The following IL1RAPL2 variants were observed in gnomAD, a reference collection of about 807,000 sequenced individuals.
The protein encoded by IL1RAPL2 is X-linked interleukin-1 receptor accessory protein-like 2.
IL1RAPL2 carries 3 observed loss-of-function variants against 44.1 expected under a neutral mutation model. The ratio of observed to expected loss-of-function variants is 0.07; its 90% CI spans 0.03 to 0.18. The LOEUF is 0.18. IL1RAPL2 is among the 10% of genes least tolerant of loss of function. The probability of loss-of-function intolerance (pLI) is 1.00; values close to 1 mark genes in which losing one functional copy is unlikely to be tolerated. For missense variants in IL1RAPL2, 391 were observed against 496.4 expected, an observed-to-expected ratio of 0.79 and a Z score of 2.02; for synonymous variants, 181 against 178.8, an observed-to-expected ratio of 1.01 and a Z score of -0.10.
At chrX:104,790,578 A>ATT (rs377511501) in intron 2 of IL1RAPL2, among the ~76,000 whole-genome samples, 10 of 105,522 alleles carry the variant, frequency 9.5e-5, no homozygotes, top group African/African-American at 3.1e-4. Flanking sequence ...TTTGTGAAAC[A>ATT]TTTTTTTTTT....
intron 5 of IL1RAPL2, among the ~76,000 whole-genome samples, chrX:105,418,435 A>G (rs1357529524): frequency 2.7e-5 from 3 of 110,990 alleles, no homozygotes; most frequent in Non-Finnish European, 5.7e-5. Flanking sequence ...TGACTTTGCC[A>G]TAACCGTTGC....
chrX:105,098,205 G>A (rs1231194107), intron 2 of IL1RAPL2, among the ~76,000 whole-genome samples: 1 of 111,816 alleles, frequency 8.9e-6, no homozygotes, highest in East Asian at 2.8e-4. Context: ...CTCCTTCAAG[G>A]AGACTCAGGC....
chrX:104,765,345 C>CA (rs1295890976), intron 2 of IL1RAPL2, among the ~76,000 whole-genome samples: 1 of 111,180 alleles, frequency 9.0e-6, no homozygotes, highest in African/African-American at 3.3e-5. Flanking sequence ...CCAATTTATC[C>CA]AAAAAACGTT....
intron 4 of IL1RAPL2, among the ~76,000 whole-genome samples, chrX:105,260,458 G>A (rs772775059): frequency 8.9e-6 from 1 of 111,776 alleles, no homozygotes; most frequent in African/African-American, 3.2e-5. Context: ...TTTTGCTGGG[G>A]AATCCCTTCT....
intron 2 of IL1RAPL2, among the ~76,000 whole-genome samples, chrX:104,823,346 G>A (rs1029910638): frequency 3.6e-5 from 4 of 110,527 alleles, no homozygotes; most frequent in African/African-American, 9.9e-5. Context: ...GACAATATGC[G>A]GTGTTTGGTT....
intron 1 of IL1RAPL2, chrX:104,647,411 C>T: frequency 1.7e-6 from 1 of 584,589 alleles, no homozygotes; most frequent in Non-Finnish European, 3.0e-6. Flanking sequence ...CACCACAAAT[C>T]TGGCCCTCTC....
chrX:104,768,392 T>G (rs753125963), intron 2 of IL1RAPL2, among the ~76,000 whole-genome samples: 1 of 111,663 alleles, frequency 9.0e-6, no homozygotes, highest in African/African-American at 3.3e-5. Context: ...GCCTCTCCCC[T>G]ATAGTAATCA....
intron 5 of IL1RAPL2, among the ~76,000 whole-genome samples, chrX:105,431,007 A>C (rs1253419495): frequency 1.8e-5 from 2 of 112,256 alleles, no homozygotes; most frequent in African/African-American, 6.5e-5. Flanking sequence ...CTGCAAACTC[A>C]TGAAGTCATA....
rs754089849 is a variant in IL1RAPL2 at position 104,752,280 on chromosome X, A to AGTGT, written c.82+93303_82+93306dup. On this transcript the variant is annotated intron_variant, in intron 2 of 10. Transcript: ENST00000372582. ...GTGGTGGTGGTAATGTTGGCGTGAG[A>AGTGT]GTGTGTGTGTGTGTGTGTGTGAGAG... is the stretch of plus-strand genomic sequence containing the variant. Among the ~76,000 whole-genome samples, 177 of 106,079 alleles carry AGTGT rather than the reference A, an allele frequency of 1.7e-3. 2 individuals are homozygous for AGTGT. Among genetic ancestry groups the AGTGT allele is most frequent in the African/African-American group, 5.7e-3 (167 of 29,188 alleles). 92.1% of individuals were successfully genotyped at this position (106,079 alleles called of 115,157 possible). A position where few individuals can be genotyped will look rare whatever the true frequency, so the allele number is the denominator to read the frequency against.
At chrX:105,688,200 T>C (rs1254997591) in intron 6 of IL1RAPL2, among the ~76,000 whole-genome samples, 1 of 111,553 alleles carries the variant, frequency 9.0e-6, no homozygotes, top group Non-Finnish European at 1.9e-5. Flanking sequence ...CTATTCAACA[T>C]AGTGTTGGAA....
chrX:105,717,445 GA>G lies in IL1RAPL2; in HGVS notation c.852del (p.Glu285LysfsTer16), dbSNP rs2038266363. ...ESGPMIYWMK[G>X]EKFIEELAGH... ...GGGCCAATGATCTACTGGATGAAAG[GA>G]GAAAAGTTTATTGAAGAACTGGCAG... is the stretch of plus-strand genomic sequence containing the variant. On this transcript the variant is annotated frameshift_variant, in exon 7 of 11. Coordinates refer to ENST00000372582, the MANE Select transcript of IL1RAPL2 (RefSeq NM_017416.2). LOFTEE classifies it high-confidence loss of function. 8.3e-7 allele frequency: 1 copy of G among 1,203,969 alleles called. No individual in the cohort carries two copies. The highest frequency in any genetic ancestry group is 1.8e-5 in the African/African-American group (1 of 56,995).
At chrX:105,395,787 T>C (rs1296165807) in intron 5 of IL1RAPL2, among the ~76,000 whole-genome samples, 1 of 112,200 alleles carries the variant, frequency 8.9e-6, no homozygotes, top group Non-Finnish European at 1.9e-5. Context: ...CTCTTTTTTC[T>C]TCTCTTCTCT....
intron 2 of IL1RAPL2, among the ~76,000 whole-genome samples, chrX:104,845,344 T>G (rs1051446400): frequency 3.0e-4 from 34 of 112,563 alleles, no homozygotes; most frequent in Non-Finnish European, 3.4e-4. Context: ...TCAGGAATAC[T>G]TATGTCATCA....
intron 7 of IL1RAPL2, among the ~76,000 whole-genome samples, chrX:105,727,798 A>ATAAC (rs753277233): frequency 3.6e-5 from 4 of 111,992 alleles, no homozygotes; most frequent in South Asian, 3.7e-4. Context: ...CCAGGCATAT[A>ATAAC]TAACTTTTAA....
chrX:104,808,288 A>AT (rs1453874179), intron 2 of IL1RAPL2, among the ~76,000 whole-genome samples: 1 of 111,432 alleles, frequency 9.0e-6, no homozygotes, highest in Non-Finnish European at 1.9e-5. Flanking sequence ...TTATATCACC[A>AT]TTTTTTCATA....
chrX:105,222,896 T>C (rs537067703), intron 3 of IL1RAPL2, among the ~76,000 whole-genome samples: 37 of 111,777 alleles, frequency 3.3e-4, no homozygotes, highest in Middle Eastern at 4.6e-3. Flanking sequence ...ACACCTGTAA[T>C]CCTAGCACTT....
chrX:104,933,853 T>C (rs1360035930), intron 2 of IL1RAPL2, among the ~76,000 whole-genome samples: 2 of 111,606 alleles, frequency 1.8e-5, no homozygotes, highest in African/African-American at 3.3e-5. Flanking sequence ...CCTAGGACAA[T>C]TGTTGTCTCC....
At chrX:105,592,689 G>A (rs1175839637) in intron 6 of IL1RAPL2, among the ~76,000 whole-genome samples, 1 of 111,658 alleles carries the variant, frequency 9.0e-6, no homozygotes, top group Non-Finnish European at 1.9e-5. Flanking sequence ...CACTTATGAA[G>A]TTTAGTTTGG....
intron 7 of IL1RAPL2, among the ~76,000 whole-genome samples, chrX:105,729,809 C>T (rs1292605233): frequency 1.9e-5 from 2 of 102,567 alleles, no homozygotes; most frequent in Non-Finnish European, 4.0e-5. Context: ...ACAAATATTA[C>T]CAGTACAGAA....
Sources: allele counts gnomAD v4.1 joint callset (sites outside exome capture counted in the v4.1 genomes callset), GRCh38; gene constraint gnomAD v4.1.1; transcripts MANE v1.5; gene names NCBI Gene and HGNC (gene_info 2026-07-23, HGNC 2026-07-21).